The following PCLO variants were observed in gnomAD, a reference collection of about 807,000 sequenced individuals.
PCLO encodes piccolo presynaptic cytomatrix protein, also known as protein piccolo.
A neutral mutation model predicts 427.5 loss-of-function variants in PCLO; 82 were observed. That is an observed-to-expected ratio of 0.19 (90% CI 0.16 to 0.23). PCLO has a LOEUF of 0.23. PCLO is among the 10% of genes least tolerant of loss of function. PCLO has a pLI of 1.00. For synonymous variants in PCLO, 2,357 were observed against 2,155.4 expected, an observed-to-expected ratio of 1.09 and a Z score of -2.59; for missense variants, 6,239 against 6,115.9, an observed-to-expected ratio of 1.02 and a Z score of -0.67.
At chr7:83,151,025 T>C (rs559274436) in intron 2 of PCLO, among the ~76,000 whole-genome samples, 1 of 152,160 alleles carries the variant, frequency 6.6e-6, no homozygotes, top group Admixed American at 6.5e-5. Context: ...CAAAATTTCA[T>C]CAACCTTATC....
At chr7:82,760,560 T>G (rs1790408602) in intron 24 of PCLO, 79 bp downstream of exon 24, 5 of 934,730 alleles carry the variant, frequency 5.3e-6, no homozygotes, top group Non-Finnish European at 6.3e-6. Flanking sequence ...GATCAGTATA[T>G]AAATATTGAA....
chr7:82,970,145 A>G (rs1224509309), intron 3 of PCLO, among the ~76,000 whole-genome samples: 1 of 152,064 alleles, frequency 6.6e-6, no homozygotes, highest in African/African-American at 2.4e-5. Flanking sequence ...TAAAAACACT[A>G]GATTTGACCA....
At chr7:83,133,845 T>C (rs1791637132) in intron 3 of PCLO, among the ~76,000 whole-genome samples, 1 of 152,172 alleles carries the variant, frequency 6.6e-6, no homozygotes, top group African/African-American at 2.4e-5. Context: ...GGATTAGAGA[T>C]GGGAATAAAA....
chr7:83,038,017 A>ATATATATATT, intron 3 of PCLO, among the ~76,000 whole-genome samples: 1 of 44,908 alleles, frequency 2.2e-5, no homozygotes, highest in African/African-American at 1.4e-4. Context: ...ATATATATAT[A>ATATATATATT]TATATATATA....
chr7:83,154,646 A>G (rs1027955934), intron 2 of PCLO, 102 bp downstream of exon 2: 1 of 889,622 alleles, frequency 1.1e-6, no homozygotes, highest in African/African-American at 1.7e-5. Context: ...GAATCCAGAG[A>G]AAGACAATGC....
intron 3 of PCLO, among the ~76,000 whole-genome samples, chr7:83,052,919 T>C (rs1258057828): frequency 6.6e-6 from 1 of 151,984 alleles, no homozygotes; most frequent in Non-Finnish European, 1.5e-5. Flanking sequence ...AGTCTCAGAC[T>C]TCAGGGTAAC....
intron 2 of PCLO, among the ~76,000 whole-genome samples, chr7:83,142,044 C>T (rs867155313): frequency 5.9e-5 from 9 of 151,392 alleles, no homozygotes; most frequent in Non-Finnish European, 7.4e-5. Context: ...CCCCTCCCCC[C>T]GACACACACA....
At chr7:82,791,410 G>C (rs1791098650) in intron 22 of PCLO, among the ~76,000 whole-genome samples, 1 of 152,290 alleles carries the variant, frequency 6.6e-6, no homozygotes, top group South Asian at 2.1e-4. Context: ...CTATTTCTTG[G>C]ATAAGTGAGC....
In PCLO at chr7:83,026,430, T is replaced by C. The variant is rs1355995624; in HGVS notation, c.3301-59943A>G. Among the ~76,000 whole-genome samples the C allele has an allele frequency of 1.7e-4, 26 of 152,196 alleles. No individual in the cohort carries two copies. The East Asian group carries it at 4.6e-3, about 27-fold the overall frequency. Reference sequence around the variant, plus strand: ...CTATCCTAAATATATATGCACCCAATACAGGAGGACCCAGATTCATAAAGC... The same window carrying C: ...CTATCCTAAATATATATGCACCCAACACAGGAGGACCCAGATTCATAAAGC... On this transcript the variant is annotated intron_variant, in intron 3 of 24. Coordinates refer to ENST00000333891, the MANE Select transcript of PCLO (RefSeq NM_033026.6).
intron 22 of PCLO, among the ~76,000 whole-genome samples, chr7:82,796,832 T>C (rs1001536425): frequency 6.8e-6 from 1 of 147,548 alleles, no homozygotes; most frequent in African/African-American, 2.5e-5. Flanking sequence ...GACAGTATGC[T>C]CCCTCAGATC....
At chr7:82,988,784 A>G (rs10954698) in intron 3 of PCLO, among the ~76,000 whole-genome samples, 114,247 of 151,882 alleles carry the variant, frequency 0.75, 43,531 homozygotes, top group East Asian at 0.92. Flanking sequence ...TTTTCAGAAC[A>G]TTTACTTCTC....
At chr7:82,830,245 A>C (rs2115703856) in intron 16 of PCLO, among the ~76,000 whole-genome samples, 1 of 152,082 alleles carries the variant, frequency 6.6e-6, no homozygotes, top group South Asian at 2.1e-4. Flanking sequence ...GGTATTTTCT[A>C]TAATTTTTAG....
chr7:82,779,700 G>GT (rs751115434), intron 22 of PCLO, among the ~76,000 whole-genome samples: 3 of 148,506 alleles, frequency 2.0e-5, no homozygotes, highest in Non-Finnish European at 4.5e-5. Flanking sequence ...TAGGAACTGG[G>GT]TTTTTTCTTT....
intron 19 of PCLO, among the ~76,000 whole-genome samples, chr7:82,823,754 T>C (rs916859652): frequency 6.6e-6 from 1 of 152,148 alleles, no homozygotes; most frequent in African/African-American, 2.4e-5. Context: ...CAGGGGAAAA[T>C]ATTCTTTGTA....
chr7:82,822,493 A>G lies in PCLO; in HGVS notation c.14791+2T>C. On this transcript the variant is annotated splice_donor_variant, in intron 20 of 24. Transcript: ENST00000333891. LOFTEE classifies it high-confidence loss of function. ...GCTGAGGAATTTATTTGCGTCTTTT[A>G]CTTGGTTGAATGCGGAGTTGTTGCA... 6.2e-7 allele frequency: 1 copy of G among 1,613,898 alleles called. No individual in the cohort carries two copies. Among genetic ancestry groups the G allele is most frequent in the Non-Finnish European group, 8.5e-7 (1 of 1,179,840 alleles).
chr7:82,897,956 A>T (rs532946515), intron 9 of PCLO, among the ~76,000 whole-genome samples: 5 of 151,416 alleles, frequency 3.3e-5, no homozygotes, highest in Non-Finnish European at 5.9e-5. Flanking sequence ...CCATGTTATA[A>T]ATTAAAATTG....
chr7:82,956,723 A>T lies in PCLO; in HGVS notation c.4230T>A (p.Ala1410=). Residue 1410 remains alanine, a synonymous_variant, in exon 5 of 25, where the codon GCT becomes GCA. Transcript: ENST00000333891. Reference sequence around the variant, plus strand: ...TAGATAGGACTGTACTTTCTAACTTAGCCAAATCTGAGGGGCTGGAAGGGC... The same window carrying T: ...TAGATAGGACTGTACTTTCTAACTTTGCCAAATCTGAGGGGCTGGAAGGGC... ...ESSPSSPSDL[A]KLESTVLSIL... 1 of 1,613,746 alleles carries T rather than the reference A, an allele frequency of 6.2e-7. No individual in the cohort carries two copies. The highest frequency in any genetic ancestry group is 8.5e-7 in the Non-Finnish European group (1 of 1,179,752).
intron 22 of PCLO, among the ~76,000 whole-genome samples, chr7:82,778,409 T>C (rs942463986): frequency 6.6e-6 from 1 of 152,180 alleles, no homozygotes; most frequent in African/African-American, 2.4e-5. Flanking sequence ...GCAATCCTAT[T>C]ACTGGTATAT....
At chr7:82,894,337 G>A (rs956712338) in intron 9 of PCLO, 6 of 154,446 alleles carry the variant, frequency 3.9e-5, no homozygotes, top group African/African-American at 1.4e-4. Flanking sequence ...TCATGCTGCT[G>A]ATAAAGACAT....
Sources: gnomAD v4.1 joint callset for allele counts (sites outside exome capture counted in the v4.1 genomes callset) on GRCh38, gnomAD v4.1.1 for gene constraint, MANE v1.5 for transcripts, NCBI Gene and HGNC (gene_info 2026-07-23, HGNC 2026-07-21) for gene names.